LRIG1: variants seen among roughly 807,000 people sequenced by gnomAD.
LRIG1 encodes leucine-rich repeats and immunoglobulin-like domains protein 1.
LRIG1 carries 48 observed loss-of-function variants against 99.2 expected under a neutral mutation model. The observed-to-expected ratio is 0.48, with a 90% CI of 0.38 to 0.62. LRIG1 has a LOEUF of 0.62. LRIG1 is among the 20% of genes least tolerant of loss of function. The pLI, the probability that LRIG1 is intolerant of heterozygous loss-of-function variation, is 0.00. For synonymous variants in LRIG1, 772 were observed against 596.1 expected (o/e 1.29, Z -4.30); for missense variants, 1,646 against 1,434.4 (o/e 1.15, Z -2.38).
At chr3:66,417,047 C>A in intron 4 of LRIG1, 82 bp downstream of exon 4, 1 of 1,547,856 alleles carries the variant, frequency 6.5e-7, no homozygotes. Flanking sequence ...ATCCCTCCTG[C>A]ATCCAGAACT....
chr3:66,418,176 C>T (rs1702680555), intron 3 of LRIG1, among the ~76,000 whole-genome samples: 1 of 152,188 alleles, frequency 6.6e-6, no homozygotes, highest in African/African-American at 2.4e-5. Flanking sequence ...ACTGCAACCT[C>T]CGCCTCCTGG....
chr3:66,484,572 A>C (rs1287842969), intron 1 of LRIG1, among the ~76,000 whole-genome samples: 1 of 152,186 alleles, frequency 6.6e-6, no homozygotes, highest in African/African-American at 2.4e-5. Flanking sequence ...CTCCAGACAG[A>C]GGAAATGGTG....
chr3:66,404,278 A>G, intron 9 of LRIG1: 1 of 1,289,320 alleles, frequency 7.8e-7, no homozygotes, highest in Non-Finnish European at 1.0e-6. Context: ...GGCTTTCCAA[A>G]TATTTACTTG....
chr3:66,389,753 G>C (rs956347966), intron 12 of LRIG1, among the ~76,000 whole-genome samples: 1 of 152,130 alleles, frequency 6.6e-6, no homozygotes, highest in African/African-American at 2.4e-5. Flanking sequence ...ACAACGGATA[G>C]AACTAGTCAG....
intron 3 of LRIG1, among the ~76,000 whole-genome samples, chr3:66,424,705 TTATAGGCAGCCCCTGACTTAC>T (rs753524258): frequency 1.3e-5 from 2 of 152,218 alleles, no homozygotes; most frequent in Non-Finnish European, 2.9e-5. Flanking sequence ...ACTATTATCT[TTATAGGCAGCCCCTGACTTAC>T]GATGGTTCAG....
intron 11 of LRIG1, among the ~76,000 whole-genome samples, chr3:66,396,830 G>A (rs1360641123): frequency 1.3e-5 from 2 of 152,312 alleles, no homozygotes; most frequent in South Asian, 2.1e-4. Context: ...GTGCCCCACC[G>A]CTTGTCTTCT....
At chr3:66,403,647 G>A (rs973340786) in intron 9 of LRIG1, among the ~76,000 whole-genome samples, 2 of 152,162 alleles carry the variant, frequency 1.3e-5, no homozygotes, top group East Asian at 1.9e-4. Context: ...AGGCAGTGGC[G>A]GACTCATGCA....
intron 1 of LRIG1, among the ~76,000 whole-genome samples, chr3:66,466,403 G>A (rs1222631550): frequency 2.0e-5 from 3 of 152,154 alleles, no homozygotes; most frequent in Non-Finnish European, 4.4e-5. Context: ...CACATTTTGT[G>A]TATCCATTCA....
intron 1 of LRIG1, among the ~76,000 whole-genome samples, chr3:66,480,872 C>T (rs1417237147): frequency 1.3e-5 from 2 of 152,188 alleles, no homozygotes; most frequent in East Asian, 1.9e-4. Flanking sequence ...AATGTCACCA[C>T]AATGGGGAGA....
intron 9 of LRIG1, among the ~76,000 whole-genome samples, chr3:66,403,914 G>A (rs1264026306): frequency 1.3e-5 from 2 of 152,198 alleles, no homozygotes; most frequent in Non-Finnish European, 2.9e-5. Flanking sequence ...CAGGCCTGGA[G>A]CTCTTCTTGC....
chr3:66,456,794 G>A (rs990493018), intron 2 of LRIG1, among the ~76,000 whole-genome samples: 1 of 152,262 alleles, frequency 6.6e-6, no homozygotes, highest in Admixed American at 6.5e-5. Context: ...CAGGTCAGTG[G>A]CCCTGGCAAG....
intron 10 of LRIG1, among the ~76,000 whole-genome samples, chr3:66,398,516 TCTCGGGTGG>T (rs1416428005): frequency 6.6e-6 from 1 of 152,212 alleles, no homozygotes; most frequent in African/African-American, 2.4e-5. Flanking sequence ...AGCATGACTG[TCTCGGGTGG>T]CTCTGTTCCC....
chr3:66,464,802 C>A (rs1700435260), intron 1 of LRIG1, among the ~76,000 whole-genome samples: 1 of 152,214 alleles, frequency 6.6e-6, no homozygotes, highest in African/African-American at 2.4e-5. Flanking sequence ...TAAGTCACAA[C>A]ACCCTTGGGT....
At chr3:66,433,281 C>G (rs575868963) in intron 3 of LRIG1, among the ~76,000 whole-genome samples, 1 of 152,378 alleles carries the variant, frequency 6.6e-6, no homozygotes, top group Admixed American at 6.5e-5. Context: ...TCCTCTGACT[C>G]CAGGCTGTGC....
At chr3:66,425,734 G>C (rs1337003926) in intron 3 of LRIG1, among the ~76,000 whole-genome samples, 1 of 152,206 alleles carries the variant, frequency 6.6e-6, no homozygotes, top group African/African-American at 2.4e-5. Flanking sequence ...AGGTCACGTG[G>C]CATTCGCCTC....
At chr3:66,500,157 G>C (rs113702647) in intron 1 of LRIG1, 33 bp downstream of exon 1, 1 of 1,488,390 alleles carries the variant, frequency 6.7e-7, no homozygotes, top group Non-Finnish European at 9.0e-7. Flanking sequence ...CAGAGCCCCG[G>C]GGCGCAGAGA....
At chr3:66,483,768 A>C (rs956471266) in intron 1 of LRIG1, among the ~76,000 whole-genome samples, 26 of 152,236 alleles carry the variant, frequency 1.7e-4, no homozygotes, top group Non-Finnish European at 3.4e-4. Flanking sequence ...AAAAGAGCAG[A>C]TGAGAGACCA....
At chr3:66,431,009 C>T (rs1448988458) in intron 3 of LRIG1, among the ~76,000 whole-genome samples, 4 of 152,034 alleles carry the variant, frequency 2.6e-5, no homozygotes, top group South Asian at 2.1e-4. Flanking sequence ...ACCGAGACCC[C>T]GCCACAAGCT....
intron 11 of LRIG1, among the ~76,000 whole-genome samples, chr3:66,396,907 G>A (rs1179562429): frequency 1.3e-5 from 2 of 152,100 alleles, no homozygotes; most frequent in Admixed American, 6.5e-5. Flanking sequence ...TCCCTTCCAC[G>A]GTGGTCTGGA....
Sources: allele counts gnomAD v4.1 joint callset (sites outside exome capture counted in the v4.1 genomes callset), GRCh38; gene constraint gnomAD v4.1.1; transcripts MANE v1.5; gene names NCBI Gene and HGNC (gene_info 2026-07-23, HGNC 2026-07-21).